EBF3: variants seen among roughly 807,000 people sequenced by gnomAD.
EBF3 encodes transcription factor COE3.
EBF3 carries 18 observed loss-of-function variants against 77.1 expected under a neutral mutation model. The ratio of observed to expected loss-of-function variants is 0.23; its 90% CI spans 0.16 to 0.35. The LOEUF (loss-of-function observed/expected upper bound fraction) is 0.35, where lower values mean the gene tolerates loss of function less well. Among genes scored for constraint, EBF3 ranks in the 10% least tolerant of loss-of-function variants. The pLI, the probability that EBF3 is intolerant of heterozygous loss-of-function variation, is 1.00. For synonymous variants in EBF3, 350 were observed against 343.5 expected, an observed-to-expected ratio of 1.02 and a Z score of -0.21; for missense variants, 558 against 860.0, an observed-to-expected ratio of 0.65 and a Z score of 4.39.
intron 6 of EBF3, among the ~76,000 whole-genome samples, chr10:129,901,813 C>T (rs1172289487): frequency 1.3e-5 from 2 of 152,154 alleles, no homozygotes. Context: ...GGGTGGGCCT[C>T]GTGGCGAGGG....
intron 6 of EBF3, among the ~76,000 whole-genome samples, chr10:129,954,229 A>G (rs1370308209): frequency 2.0e-5 from 3 of 152,064 alleles, no homozygotes; most frequent in African/African-American, 4.8e-5. Context: ...TTACTTTACA[A>G]TGTTATGTTT....
intron 10 of EBF3, among the ~76,000 whole-genome samples, chr10:129,862,373 T>A (rs929408039): frequency 1.6e-4 from 24 of 152,204 alleles, no homozygotes; most frequent in African/African-American, 5.8e-4. Context: ...CCACTTCGGA[T>A]GTGGTTGCTA....
In EBF3 at chr10:129,864,808, A is replaced by C. The variant is rs976553188; in HGVS notation, c.1039+2333T>G. On this transcript the variant is annotated intron_variant, in intron 10 of 16. Transcript: ENST00000440978. The surrounding 1 kb of genome is among the most constrained non-coding windows in gnomAD (Gnocchi z 4.4). ...TGCTGCTCCATGGCTCACAAGCAAT[A>C]ATCAACACCCGCTTTCCTAAGGAGC... Among the ~76,000 whole-genome samples, 2 of 152,170 alleles carry C rather than the reference A, an allele frequency of 1.3e-5. No homozygotes were observed. The highest frequency in any genetic ancestry group is 2.4e-5 in the African/African-American group (1 of 41,430).
At chr10:129,930,127 GC>G (rs1441387678) in intron 6 of EBF3, among the ~76,000 whole-genome samples, 1 of 152,176 alleles carries the variant, frequency 6.6e-6, no homozygotes, top group Non-Finnish European at 1.5e-5. Context: ...ATTCACACCA[GC>G]AGTCCCGTAG....
chr10:129,954,468 T>C (rs1225947573), intron 6 of EBF3, among the ~76,000 whole-genome samples: 1 of 149,334 alleles, frequency 6.7e-6, no homozygotes, highest in Non-Finnish European at 1.5e-5. Flanking sequence ...AAGTATTTAA[T>C]GCTTCTGAAA....
chr10:129,885,277 C>G lies in EBF3; in HGVS notation c.555-7428G>C, dbSNP rs1056102087. 6.6e-6 allele frequency among the ~76,000 whole-genome samples: 1 copy of G among 152,274 alleles called. No individual in the cohort carries two copies. Among genetic ancestry groups the G allele is most frequent in the East Asian group, 1.9e-4 (1 of 5,184 alleles). ...CTTCCAGAACAGATCCCCGCCAAGT[C>G]CTCCGTTTGGAGAAATTTGTATGAC... On this transcript the variant is annotated intron_variant, in intron 6 of 16. Coordinates refer to ENST00000440978, the MANE Select transcript of EBF3 (RefSeq NM_001375380.1). This position sits in a 1 kb window ranked among gnomAD's most constrained non-coding sequence, Gnocchi z 4.0.
intron 10 of EBF3, among the ~76,000 whole-genome samples, chr10:129,860,923 A>C (rs896267600): frequency 1.3e-5 from 2 of 152,232 alleles, no homozygotes; most frequent in East Asian, 3.9e-4. Flanking sequence ...GGTATAGTTC[A>C]TTTTAAGCAA....
intron 6 of EBF3, among the ~76,000 whole-genome samples, chr10:129,898,308 C>T (rs565115427): frequency 5.9e-5 from 9 of 152,296 alleles, no homozygotes; most frequent in East Asian, 3.9e-4. Flanking sequence ...AAATCTAATA[C>T]GGGGTCCCGG....
rs1311476346 is a variant in EBF3, at chr10:129,964,250, ACTC to A, written c.-485_-483del. On this transcript the variant is annotated 5_prime_UTR_variant, in exon 1 of 17. Transcript: ENST00000440978. This position sits in a 1 kb window ranked among gnomAD's most constrained non-coding sequence, Gnocchi z 4.5. ...CGCGCAGCGGACGGAGGCGCACAAA[ACTC>A]AGCCCTCTCTCCCCGAGGAATGGAC... 2.0e-6 allele frequency: 2 copies of A among 984,644 alleles called. No homozygotes were observed. The highest frequency in any genetic ancestry group is 2.4e-6 in the Non-Finnish European group (2 of 829,710). The allele number at this position is 984,644 out of a possible 1,614,324, so 61.0% of individuals were successfully genotyped here.
Position 129,843,957 on chromosome 10 carries a change from TTTAG to T in EBF3, c.1129-759_1129-756del, listed in dbSNP as rs149487911. 2.0e-5 allele frequency among the ~76,000 whole-genome samples: 3 copies of T among 152,214 alleles called. No individual in the cohort carries two copies. The East Asian group carries it at 5.8e-4, about 29-fold the overall frequency. ...TACGATTGTGCGGATTAATCCAGAG[TTTAG>T]TTAATTTTAAATACAAATGGGGGCT... is the stretch of plus-strand genomic sequence containing the variant. On this transcript the variant is annotated intron_variant, in intron 11 of 16. Transcript: ENST00000440978.
intron 4 of EBF3, among the ~76,000 whole-genome samples, chr10:129,961,549 A>T (rs529596365): frequency 6.6e-6 from 1 of 152,340 alleles, no homozygotes; most frequent in South Asian, 2.1e-4. Flanking sequence ...TGTTATTTAC[A>T]AGGTATGACA....
intron 5 of EBF3, among the ~76,000 whole-genome samples, chr10:129,958,472 A>G (rs1021754562): frequency 6.6e-6 from 1 of 152,188 alleles, no homozygotes; most frequent in Non-Finnish European, 1.5e-5. Context: ...TCGCTGCTCT[A>G]GGGAAGAGGT....
chr10:129,964,160 C>T lies in EBF3; in HGVS notation c.-392G>A, dbSNP rs1859753903. On this transcript the variant is annotated 5_prime_UTR_variant, in exon 1 of 17. Transcript: ENST00000440978. This position sits in a 1 kb window ranked among gnomAD's most constrained non-coding sequence, Gnocchi z 4.5. ...CCCGCCTGCTCCAAAGACAAATAAA[C>T]GGGGCAGTGAGTGCTGCGGCGCAGT... 3.0e-6 allele frequency: 3 copies of T among 984,852 alleles called. No individual in the cohort carries two copies. Among genetic ancestry groups the T allele is most frequent in the Non-Finnish European group, 2.4e-6 (2 of 829,796 alleles). The allele number at this position is 984,852 out of a possible 1,614,324, so 61.0% of individuals were successfully genotyped here. A position where few individuals can be genotyped will look rare whatever the true frequency, so the allele number is the denominator to read the frequency against.
rs1044701131 is a variant in EBF3, at chr10:129,861,086, C to T, written c.1039+6055G>A. On this transcript the variant is annotated intron_variant, in intron 10 of 16. Coordinates refer to ENST00000440978, the MANE Select transcript of EBF3 (RefSeq NM_001375380.1). The surrounding 1 kb of genome is among the most constrained non-coding windows in gnomAD (Gnocchi z 4.3). ...CTCCCGGCCCCACTCTTCAAAGGGC[C>T]GTGTTATCGAATCTCACCCCAGCAC... Among the ~76,000 whole-genome samples the T allele has an allele frequency of 2.6e-5, 4 of 152,174 alleles. No homozygotes were observed. Among genetic ancestry groups the T allele is most frequent in the Admixed American group, 2.0e-4 (3 of 15,278 alleles).
At position 129,935,558 on chromosome 10, in the gene EBF3, AGG is replaced by A. The variant is rs1282719546; in HGVS notation, c.554+21698_554+21699del. Among the ~76,000 whole-genome samples, 1 of 152,186 alleles carries A rather than the reference AGG, an allele frequency of 6.6e-6. No homozygotes were observed. Among genetic ancestry groups the A allele is most frequent in the Admixed American group, 6.5e-5 (1 of 15,284 alleles). ...GCGGAGCACCAAGCACCCATATGTAAGGCATGGGGTTAGATACATGCACCCCA... is the reference window on the plus strand; with the variant it reads ...GCGGAGCACCAAGCACCCATATGTAACATGGGGTTAGATACATGCACCCCA... On this transcript the variant is annotated intron_variant, in intron 6 of 16. Coordinates refer to ENST00000440978, the MANE Select transcript of EBF3 (RefSeq NM_001375380.1). The surrounding 1 kb of genome is among the most constrained non-coding windows in gnomAD (Gnocchi z 4.2).
At chr10:129,917,651 C>CAAAA (rs71481019) in intron 6 of EBF3, among the ~76,000 whole-genome samples, 1,743 of 23,582 alleles carry the variant, frequency 0.074, 452 homozygotes, top group Middle Eastern at 0.17. Context: ...GACCCTGCCT[C>CAAAA]AAAAAAAAAA....
rs1001221587 is a variant in EBF3 at position 129,947,493 on chromosome 10, G to A, written c.554+9765C>T. Among the ~76,000 whole-genome samples, 9 of 152,038 alleles carry A rather than the reference G, an allele frequency of 5.9e-5. No homozygotes were observed. Among genetic ancestry groups the A allele is most frequent in the East Asian group, 1.9e-4 (1 of 5,168 alleles). The stretch of plus-strand genomic sequence containing the variant: ...TGAATTCATTCTGTTCTTATGCCAC[G>A]GTGCAGTATATTTGCCTTCCCAATA... On this transcript the variant is annotated intron_variant, in intron 6 of 16. Coordinates refer to ENST00000440978, the MANE Select transcript of EBF3 (RefSeq NM_001375380.1). The surrounding 1 kb of genome is among the most constrained non-coding windows in gnomAD (Gnocchi z 4.5).
At chr10:129,959,177 C>G (rs979047635) in intron 4 of EBF3, among the ~76,000 whole-genome samples, 170 bp from the exon 5 acceptor site, 1 of 152,136 alleles carries the variant, frequency 6.6e-6, no homozygotes. Context: ...CGGAGCTGGG[C>G]TAGGCCGCGA....
rs528072473 is a variant in EBF3, at chr10:129,837,626, G to A, written c.*317C>T. On this transcript the variant is annotated 3_prime_UTR_variant, in exon 17 of 17. Coordinates refer to ENST00000440978, the MANE Select transcript of EBF3 (RefSeq NM_001375380.1). ...AGCAATTACTAGACATGGCCAAGAC[G>A]GAGTCGGAAACTTTATACAAAATAG... is the stretch of plus-strand genomic sequence containing the variant. 86 of 353,090 alleles carry A rather than the reference G, an allele frequency of 2.4e-4. 2 individuals are homozygous for A. Among genetic ancestry groups the A allele is most frequent in the South Asian group, 2.4e-3 (57 of 23,966 alleles). 21.9% of individuals were successfully genotyped at this position (353,090 alleles called of 1,614,324 possible).
Sources: gnomAD v4.1 joint callset for allele counts (sites outside exome capture counted in the v4.1 genomes callset) on GRCh38, gnomAD v4.1.1 for gene constraint, Gnocchi (gnomAD v3.1) non-coding constraint, MANE v1.5 for transcripts, NCBI Gene and HGNC (gene_info 2026-07-23, HGNC 2026-07-21) for gene names.